Variants in PDE4DIP observed in about 807,000 individuals in gnomAD.
PDE4DIP encodes myomegalin.
In PDE4DIP, 59 loss-of-function variants were observed where a neutral mutation model predicts 221.4. The observed-to-expected ratio is 0.27, with a 90% CI of 0.22 to 0.33. The LOEUF (loss-of-function observed/expected upper bound fraction) is 0.33. Ranked by LOEUF, PDE4DIP falls within the 10% of genes least tolerant of loss-of-function variation. The pLI is 1.00. For missense variants in PDE4DIP, 1,036 were observed against 2,154.2 expected (o/e 0.48, Z 10.28); for synonymous variants, 404 against 815.9 (o/e 0.50, Z 8.60).
At chr1:148,987,829 G>A (rs2062178179) in intron 21 of PDE4DIP, among the ~76,000 whole-genome samples, 1 of 152,072 alleles carries the variant, frequency 6.6e-6, no homozygotes, top group Non-Finnish European at 1.5e-5. Context: ...GTTACTTGGA[G>A]GCTGAGGTGG....
At chr1:149,032,888 T>C (rs1461728459) in exon 44 of PDE4DIP, 31 of 208,798 alleles carry the variant, frequency 1.5e-4, no homozygotes, top group Admixed American at 2.4e-4. Flanking sequence ...TATAGATTTA[T>C]ATATGTTGCT....
intron 1 of PDE4DIP, among the ~76,000 whole-genome samples, chr1:148,828,964 C>G (rs1247581822): frequency 2.0e-5 from 3 of 150,110 alleles, no homozygotes; most frequent in Non-Finnish European, 4.5e-5. Flanking sequence ...GATAATGCAT[C>G]AGAAATACTG....
At chr1:148,967,817 A>C (rs782114316) in exon 13 of PDE4DIP, 1 of 1,165,640 alleles carries the variant, frequency 8.6e-7, no homozygotes, top group Admixed American at 1.7e-5. Flanking sequence ...GAAGAAATGG[A>C]AACCAAATTT....
intron 1 of PDE4DIP, among the ~76,000 whole-genome samples, chr1:148,821,787 C>CTAT (rs1669331153): frequency 1.3e-5 from 2 of 149,026 alleles, no homozygotes; most frequent in African/African-American, 5.1e-5. Context: ...AGTCACTTTG[C>CTAT]TATTGGAAAA....
intron 1 of PDE4DIP, among the ~76,000 whole-genome samples, chr1:148,922,666 C>G (rs1553462539): frequency 6.7e-6 from 1 of 149,214 alleles, no homozygotes; most frequent in African/African-American, 2.5e-5. Context: ...CAGCGCATTG[C>G]AAGCTCCGAC....
At chr1:148,949,538 A>T (rs1199361626) in intron 5 of PDE4DIP, among the ~76,000 whole-genome samples, 7 of 152,158 alleles carry the variant, frequency 4.6e-5, no homozygotes, top group African/African-American at 1.7e-4. Flanking sequence ...CAAATGATAC[A>T]CAGTATGTAG....
chr1:148,983,686 G>T (rs1241829050), intron 21 of PDE4DIP: 7 of 152,426 alleles, frequency 4.6e-5, no homozygotes, highest in African/African-American at 1.7e-4. Context: ...CTCTACAGGA[G>T]CACAGACTCT....
chr1:149,005,086 G>T (rs151134727), exon 27 of PDE4DIP: 3 of 1,613,572 alleles, frequency 1.9e-6, no homozygotes, highest in Non-Finnish European at 2.5e-6. Flanking sequence ...TTGGTCCTAC[G>T]AAAGGACATC....
At chr1:148,949,540 A>G (rs2052623070) in intron 5 of PDE4DIP, among the ~76,000 whole-genome samples, 1 of 152,184 alleles carries the variant, frequency 6.6e-6, no homozygotes, top group Admixed American at 6.5e-5. Flanking sequence ...AATGATACAC[A>G]GTATGTAGAA....
At chr1:148,985,196 T>C (rs112605268) in intron 21 of PDE4DIP, 1 of 152,280 alleles carries the variant, frequency 6.6e-6, no homozygotes, top group East Asian at 1.9e-4. Flanking sequence ...AGTGAGCTTT[T>C]CTTTTCTCTT....
intron 21 of PDE4DIP, chr1:148,985,012 C>T (rs587718133): frequency 5.7e-4 from 87 of 152,172 alleles, no homozygotes; most frequent in African/African-American, 2.0e-3. Context: ...GACAAACTTC[C>T]TGTGAAGTTA....
chr1:149,004,363 C>G (rs1698599), intron 26 of PDE4DIP, among the ~76,000 whole-genome samples: 1 of 148,054 alleles, frequency 6.8e-6, no homozygotes, highest in Admixed American at 6.7e-5. Flanking sequence ...TACCACTGCC[C>G]TAATACACTG....
intron 4 of PDE4DIP, among the ~76,000 whole-genome samples, chr1:148,935,229 A>G (rs1275939103): frequency 4.0e-5 from 6 of 151,592 alleles, no homozygotes; most frequent in African/African-American, 1.5e-4. Context: ...AAAAAGAATC[A>G]CAACTGGAAA....
At chr1:148,864,011 G>A in intron 2 of PDE4DIP, among the ~76,000 whole-genome samples, 1 of 99,878 alleles carries the variant, frequency 1.0e-5, no homozygotes, top group Non-Finnish European at 2.0e-5. Flanking sequence ...GGAGGCTGAG[G>A]CGGGCGTATC....
chr1:149,009,763 A>C (rs1553603291), exon 30 of PDE4DIP: 1 of 1,611,146 alleles, frequency 6.2e-7, no homozygotes, highest in Admixed American at 1.7e-5. Context: ...CACACTATGA[A>C]GAGAAGAAAG....
chr1:148,815,041 A>G (rs1299309314), intron 1 of PDE4DIP, among the ~76,000 whole-genome samples: 2 of 99,648 alleles, frequency 2.0e-5, no homozygotes, highest in Non-Finnish European at 4.2e-5. Context: ...TTTATCTTCT[A>G]TTTGGTCGGA....
exon 18 of PDE4DIP, chr1:148,977,946 T>G: frequency 6.2e-7 from 1 of 1,612,186 alleles, no homozygotes. Context: ...GATGGAACTT[T>G]CTGCTCTACA....
intron 2 of PDE4DIP, chr1:148,930,656 A>C (rs2047768761): frequency 6.6e-6 from 1 of 151,806 alleles, no homozygotes; most frequent in Non-Finnish European, 1.5e-5. Context: ...GAGGTGAAAG[A>C]TCTCTACAAG....
chr1:148,978,437 C>CTTAT (rs1356297571), intron 19 of PDE4DIP, 22 bp downstream of exon 22: 2 of 1,466,268 alleles, frequency 1.4e-6, no homozygotes, highest in Non-Finnish European at 9.3e-7. Flanking sequence ...GAATATAAAC[C>CTTAT]TTATTTATTT....
Sources: gnomAD v4.1 joint callset for allele counts (sites outside exome capture counted in the v4.1 genomes callset) on GRCh38, gnomAD v4.1.1 for gene constraint, MANE v1.5 for transcripts, NCBI Gene and HGNC (gene_info 2026-07-23, HGNC 2026-07-21) for gene names.